SLC17A8: variants seen among roughly 807,000 people sequenced by gnomAD.
The protein encoded by SLC17A8 is vesicular glutamate transporter 3.
Under a neutral mutation model 58.0 loss-of-function variants are expected in SLC17A8, and 31 were observed. The observed-to-expected ratio is 0.53, with a 90% CI of 0.40 to 0.72. SLC17A8 has a LOEUF of 0.72. Among genes scored for constraint, SLC17A8 ranks in the 30% least tolerant of loss-of-function variants. SLC17A8 has a pLI of 0.00. For missense variants in SLC17A8, 655 were observed against 727.8 expected (o/e 0.90, Z 1.15); for synonymous variants, 228 against 249.0 (o/e 0.92, Z 0.79).
At chr12:100,387,206 C>T (rs1327200602) in intron 2 of SLC17A8, among the ~76,000 whole-genome samples, 1 of 152,118 alleles carries the variant, frequency 6.6e-6, no homozygotes, top group African/African-American at 2.4e-5. Flanking sequence ...GTGGCTGCAC[C>T]CATTCCCACC....
chr12:100,391,216 G>A (rs1240258062), intron 3 of SLC17A8, 97 bp downstream of exon 3: 15 of 823,114 alleles, frequency 1.8e-5, no homozygotes, highest in Non-Finnish European at 2.8e-5. Flanking sequence ...GGTGCAGAAT[G>A]AAAAACAGGA....
chr12:100,397,234 G>T lies in SLC17A8; in HGVS notation c.676+817G>T, dbSNP rs114593180. On this transcript the variant is annotated intron_variant, in intron 5 of 11. Transcript: ENST00000323346. ...AAGATGGGATCATCAAGCATCCCAC[G>T]CCTCTTCTTTTTATATGAAACTAAA... Among the ~76,000 whole-genome samples, 476 of 152,194 alleles carry T rather than the reference G, an allele frequency of 3.1e-3. 5 individuals are homozygous for T. The highest frequency in any genetic ancestry group is 0.011 in the African/African-American group (448 of 41,526).
intron 9 of SLC17A8, 94 bp downstream of exon 9, chr12:100,404,264 T>C: frequency 6.5e-7 from 1 of 1,527,624 alleles, no homozygotes; most frequent in Admixed American, 1.7e-5. Context: ...ATTTAGTCAT[T>C]GGAGTGGATC....
rs147627521 is a variant in SLC17A8, at chr12:100,406,534, T to C, written c.1186+2364T>C. ...GATTTAAAGCACGGAATGGATATGA[T>C]CTCATTTTTTTTTTTTTTTGAGACA... On this transcript the variant is annotated intron_variant, in intron 9 of 11. Coordinates refer to ENST00000323346, the MANE Select transcript of SLC17A8 (RefSeq NM_139319.3). Among the ~76,000 whole-genome samples the C allele has an allele frequency of 1.5e-3, 228 of 151,312 alleles. 3 individuals carry two copies. Among genetic ancestry groups the C allele is most frequent in the East Asian group, 0.012 (60 of 5,168 alleles).
intron 9 of SLC17A8, among the ~76,000 whole-genome samples, chr12:100,408,100 T>A (rs1043145776): frequency 1.3e-5 from 2 of 152,354 alleles, no homozygotes; most frequent in Admixed American, 6.5e-5. Context: ...ACTGGTATGA[T>A]CTTCCAGAGA....
intron 5 of SLC17A8, 140 bp from the exon 6 acceptor site, chr12:100,401,637 G>C: frequency 2.7e-6 from 2 of 742,224 alleles, no homozygotes; most frequent in Non-Finnish European, 4.8e-6. Context: ...GGCACACTGG[G>C]AGTTTGCCTG....
chr12:100,380,808 G>A lies in SLC17A8; in HGVS notation c.209G>A (p.Cys70Tyr). Residue 70 changes from cysteine (C) to tyrosine (Y), a missense_variant, in exon 2 of 12, where the codon TGC becomes TAC. Coordinates refer to ENST00000323346, the MANE Select transcript of SLC17A8 (RefSeq NM_139319.3). ...PSPPLCDCHC[C>Y]GLPKRYIIAI... ...CCCCCACTCTGCGACTGCCACTGCT[G>A]CGGCCTCCCCAAGCGTTACATCATT... 6.2e-7 allele frequency: 1 copy of A among 1,614,158 alleles called. No homozygotes were observed. Among genetic ancestry groups the A allele is most frequent in the Non-Finnish European group, 8.5e-7 (1 of 1,180,032 alleles).
At chr12:100,358,678 A>G (rs997544758) in intron 1 of SLC17A8, among the ~76,000 whole-genome samples, 4 of 152,216 alleles carry the variant, frequency 2.6e-5, no homozygotes, top group Non-Finnish European at 4.4e-5. Context: ...AAAAAATTAC[A>G]ATAACATTTT....
intron 10 of SLC17A8, among the ~76,000 whole-genome samples, chr12:100,415,508 T>C (rs116919087): frequency 0.028 from 4,257 of 152,008 alleles, 79 homozygotes; most frequent in Non-Finnish European, 0.044. Flanking sequence ...TCGCGGATCA[T>C]TGCAGCCTCT....
intron 10 of SLC17A8, among the ~76,000 whole-genome samples, chr12:100,414,511 T>C (rs920628137): frequency 1.3e-5 from 2 of 152,128 alleles, no homozygotes; most frequent in Non-Finnish European, 2.9e-5. Flanking sequence ...CATCTAGAGA[T>C]TGGAGAGATG....
Position 100,401,832 on chromosome 12 carries a change from C to T in SLC17A8, c.732C>T (p.Tyr244=). 1.2e-6 allele frequency: 2 copies of T among 1,613,944 alleles called. No homozygotes were observed. The highest frequency in any genetic ancestry group is 1.7e-6 in the Non-Finnish European group (2 of 1,179,900). ...AMPLAGVLVQ[Y]IGWSSVFYIY... is the part of the protein sequence containing the mutation. ...CCCTGGCTGGGGTGTTGGTGCAGTA[C>T]ATTGGATGGTCCTCTGTCTTTTATA... The change falls in exon 6 of 12, where the codon TAC becomes TAT. Residue 244 remains tyrosine, a synonymous_variant. Coordinates refer to ENST00000323346, the MANE Select transcript of SLC17A8 (RefSeq NM_139319.3).
At chr12:100,369,799 G>T (rs1404542618) in intron 1 of SLC17A8, among the ~76,000 whole-genome samples, 1 of 152,176 alleles carries the variant, frequency 6.6e-6, no homozygotes, top group African/African-American at 2.4e-5. Context: ...TGTGCTACTA[G>T]TCTAATTTTT....
At chr12:100,400,971 TCTGGAATTTAATTGTTCACCC>T (rs1384243700) in intron 5 of SLC17A8, among the ~76,000 whole-genome samples, 3 of 150,774 alleles carry the variant, frequency 2.0e-5, no homozygotes, top group Admixed American at 1.3e-4. Flanking sequence ...CCTCTTGCCA[TCTGGAATTTAATTGTTCACCC>T]CTCACCTTTT....
At chr12:100,364,385 GT>G (rs1952504874) in intron 1 of SLC17A8, among the ~76,000 whole-genome samples, 1 of 152,158 alleles carries the variant, frequency 6.6e-6, no homozygotes, top group East Asian at 1.9e-4. Flanking sequence ...AGACTGGTTT[GT>G]CCCCTCAGGA....
chr12:100,408,685 G>A (rs904316753), intron 9 of SLC17A8, among the ~76,000 whole-genome samples: 2 of 152,060 alleles, frequency 1.3e-5, no homozygotes, highest in Non-Finnish European at 2.9e-5. Context: ...TGTATCATTT[G>A]TAAGTTTTAT....
intron 2 of SLC17A8, among the ~76,000 whole-genome samples, chr12:100,388,608 G>A (rs1952692344): frequency 1.3e-5 from 2 of 152,200 alleles, no homozygotes; most frequent in Admixed American, 1.3e-4. Context: ...GCTTGTTTGA[G>A]TCTGTATTTA....
At chr12:100,383,555 T>C (rs779287238) in intron 2 of SLC17A8, among the ~76,000 whole-genome samples, 97 of 152,290 alleles carry the variant, frequency 6.4e-4, no homozygotes, top group Middle Eastern at 3.4e-3. Context: ...GTTTTTCTGT[T>C]TTAAGGGAAA....
At position 100,380,778 on chromosome 12, in the gene SLC17A8, C is replaced by T; in HGVS notation, c.179C>T (p.Pro60Leu). Residue 60 changes from proline to leucine, a missense_variant, in exon 2 of 12, where the codon CCA becomes CTA. By Grantham distance (98) the Pro-to-Leu change is moderately conservative (BLOSUM62 -3). Transcript: ENST00000323346. ...GGAAGGCCGGTGCAGACGTCCAGGC[C>T]AAGCCCCCCACTCTGCGACTGCCAC... The part of the protein sequence containing the change: ...EEGRPVQTSR[P>L]SPPLCDCHCC... The T allele has an allele frequency of 6.2e-7, 1 of 1,614,090 alleles. No homozygotes were observed. Among genetic ancestry groups the T allele is most frequent in the Non-Finnish European group, 8.5e-7 (1 of 1,180,020 alleles).
intron 3 of SLC17A8, 123 bp downstream of exon 3, chr12:100,391,242 G>C: frequency 1.4e-6 from 1 of 727,140 alleles, no homozygotes; most frequent in South Asian, 1.5e-5. Flanking sequence ...CTGGATAGAT[G>C]CAATTCACAG....
Sources: gnomAD v4.1 joint callset for allele counts (sites outside exome capture counted in the v4.1 genomes callset) on GRCh38, gnomAD v4.1.1 for gene constraint, MANE v1.5 for transcripts, NCBI Gene and HGNC (gene_info 2026-07-23, HGNC 2026-07-21) for gene names.